Variants in ANKRD13B observed in about 807,000 individuals in gnomAD.
The protein encoded by ANKRD13B is ankyrin repeat domain-containing protein 13B.
Under a neutral mutation model 74.4 loss-of-function variants are expected in ANKRD13B, and 33 were observed. That is an observed-to-expected ratio of 0.44 (90% CI 0.34 to 0.59). ANKRD13B has a LOEUF of 0.59. Ranked by LOEUF, ANKRD13B falls within the 20% of genes least tolerant of loss-of-function variation. The pLI is 0.02. For synonymous variants in ANKRD13B, 341 were observed against 362.9 expected (o/e 0.94, Z 0.68); for missense variants, 676 against 877.9 (o/e 0.77, Z 2.91).
Position 29,609,378 on chromosome 17 carries a change from G to C in ANKRD13B, c.779G>C (p.Trp260Ser). The C allele has an allele frequency of 6.2e-7, 1 of 1,613,520 alleles. No homozygotes were observed. The change falls in exon 7 of 15, where the codon TGG becomes TCG. Residue 260 changes from tryptophan (W) to serine (S), a missense_variant. Physicochemically the swap from Trp to Ser is radical, Grantham distance 177. This residue lies in a region of ANKRD13B where 328 missense variants were observed against 518.4 expected (regional missense o/e 0.63). Coordinates refer to ENST00000394859, the MANE Select transcript of ANKRD13B (RefSeq NM_152345.5). This position sits in a 1 kb window ranked among gnomAD's most constrained non-coding sequence, Gnocchi z 4.0. ...FERNKTGILG[W>S]RSEKTEMVNG... ...AGGAACAAGACTGGCATCCTGGGCT[G>C]GCGCAGTGAAAAGACGGAGATGGTG...
chr17:29,594,589 C>T (rs138484452), intron 1 of ANKRD13B, among the ~76,000 whole-genome samples: 3 of 152,298 alleles, frequency 2.0e-5, no homozygotes, highest in African/African-American at 4.8e-5. Context: ...TCACAGATTG[C>T]CACTTCTGCC....
Position 29,612,703 on chromosome 17 carries a change from G to A in ANKRD13B, c.1463G>A (p.Gly488Asp), listed in dbSNP as rs1187280230. The change falls in exon 13 of 15, where the codon GGC becomes GAC. Residue 488 changes from glycine to aspartate, a missense_variant. Around this residue, in one of 4 missense-constraint regions of ANKRD13B, gnomAD observed 152 missense variants for 181.4 expected, o/e 0.84. Transcript: ENST00000394859. This position sits in a 1 kb window ranked among gnomAD's most constrained non-coding sequence, Gnocchi z 6.1. ...CCAGCGTTGTTCGAGGCCCCGCGCG[G>A]CTACAGCATGATGGGCGGCCAGCGG... is the stretch of plus-strand genomic sequence containing the variant. ...ISPALFEAPR[G>D]YSMMGGQREA... The A allele has an allele frequency of 1.9e-6, 3 of 1,597,240 alleles. No individual in the cohort carries two copies. The highest frequency in any genetic ancestry group is 4.5e-5 in the East Asian group (2 of 44,666).
In ANKRD13B at chr17:29,609,040, G is replaced by T. The variant is rs1567792669; in HGVS notation, c.565+46G>T. On this transcript the variant is annotated intron_variant, in intron 5 of 14. Coordinates refer to ENST00000394859, the MANE Select transcript of ANKRD13B (RefSeq NM_152345.5). This position sits in a 1 kb window ranked among gnomAD's most constrained non-coding sequence, Gnocchi z 4.0. ...GGCAGGGTGGGGACGATGGGAGGCA[G>T]CCCCAGGCCACCCCTGATCCCCCTG... is the stretch of plus-strand genomic sequence containing the variant. The T allele has an allele frequency of 5.0e-6, 8 of 1,612,880 alleles. No homozygotes were observed. The South Asian group carries it at 7.7e-5, about 15-fold the overall frequency.
In ANKRD13B at chr17:29,613,603, G is replaced by A; in HGVS notation, c.*21G>A. 7.1e-7 allele frequency: 1 copy of A among 1,401,854 alleles called. No homozygotes were observed. Among genetic ancestry groups the A allele is most frequent in the Non-Finnish European group, 9.3e-7 (1 of 1,076,884 alleles). The allele number at this position is 1,401,854 out of a possible 1,614,324, so 86.8% of individuals were successfully genotyped here. A position where few individuals can be genotyped will look rare whatever the true frequency, so the allele number is the denominator to read the frequency against. On this transcript the variant is annotated 3_prime_UTR_variant, in exon 15 of 15. Transcript: ENST00000394859. ...AGTAGCGCCCCCTGCCGGGACCCTCGCCAGCGCCACGCGCGCCACGCCCAG... is the reference window on the plus strand; with the variant it reads ...AGTAGCGCCCCCTGCCGGGACCCTCACCAGCGCCACGCGCGCCACGCCCAG...
At chr17:29,595,502 CT>C (rs1307784156) in intron 1 of ANKRD13B, among the ~76,000 whole-genome samples, 2 of 152,278 alleles carry the variant, frequency 1.3e-5, no homozygotes, top group East Asian at 3.9e-4. Context: ...GGAGAAAAGA[CT>C]TCTCCAGCAG....
intron 1 of ANKRD13B, among the ~76,000 whole-genome samples, chr17:29,607,069 A>G (rs1598610483): frequency 6.6e-6 from 1 of 152,086 alleles, no homozygotes; most frequent in Admixed American, 6.6e-5. Flanking sequence ...AACACAAAAA[A>G]AAACCCCAAA....
At position 29,612,472 on chromosome 17, in the gene ANKRD13B, G is replaced by T. The variant is rs762441170; in HGVS notation, c.1329G>T (p.Val443=). 3.1e-6 allele frequency: 5 copies of T among 1,599,628 alleles called. No homozygotes were observed. The Admixed American group carries it at 8.6e-5, about 28-fold the overall frequency. Residue 443 remains valine (V), a synonymous_variant, in exon 12 of 15, where the codon GTG becomes GTT. Transcript: ENST00000394859. This position sits in a 1 kb window ranked among gnomAD's most constrained non-coding sequence, Gnocchi z 6.1. ...ACCTCAACGGCTGCGACGAACCGGT[G>T]CCATCGGTGCGAGGCAGCCCCAGCA... is the stretch of plus-strand genomic sequence containing the variant. ...FGNLNGCDEP[V]PSVRGSPSSE...
intron 1 of ANKRD13B, among the ~76,000 whole-genome samples, chr17:29,600,662 C>T (rs2034138070): frequency 6.6e-6 from 1 of 152,128 alleles, no homozygotes; most frequent in African/African-American, 2.4e-5. Flanking sequence ...CCTCCCTGCA[C>T]TCAGCTCTAG....
intron 1 of ANKRD13B, among the ~76,000 whole-genome samples, chr17:29,606,673 T>C (rs957857878): frequency 2.2e-5 from 3 of 135,224 alleles, no homozygotes; most frequent in Non-Finnish European, 4.6e-5. Flanking sequence ...GGAGGATTGC[T>C]CAAGCCTAGG....
At position 29,608,356 on chromosome 17, in the gene ANKRD13B, C is replaced by T; in HGVS notation, c.421+116C>T. ...CGGCGGTTCCCTCTATGCCTTAGCT[C>T]AGCTCAGGGCCACCGCCTCAGCTAG... On this transcript the variant is annotated intron_variant, in intron 4 of 14. Coordinates refer to ENST00000394859, the MANE Select transcript of ANKRD13B (RefSeq NM_152345.5). This position sits in a 1 kb window ranked among gnomAD's most constrained non-coding sequence, Gnocchi z 6.4. 1 of 1,343,594 alleles carries T rather than the reference C, an allele frequency of 7.4e-7. No individual in the cohort carries two copies. The highest frequency in any genetic ancestry group is 1.0e-6 in the Non-Finnish European group (1 of 972,146). The allele number at this position is 1,343,594 out of a possible 1,614,324, so 83.2% of individuals were successfully genotyped here.
chr17:29,609,491 G>T lies in ANKRD13B; in HGVS notation c.822+70G>T. ...TACAGCAAGCTGTACAGGGGATTCTGACCTCCCTTCCCCAGCCCTGGAGGT... is the reference window on the plus strand; with the variant it reads ...TACAGCAAGCTGTACAGGGGATTCTTACCTCCCTTCCCCAGCCCTGGAGGT... On this transcript the variant is annotated intron_variant, in intron 7 of 14. Transcript: ENST00000394859. This position sits in a 1 kb window ranked among gnomAD's most constrained non-coding sequence, Gnocchi z 4.0. The T allele has an allele frequency of 6.4e-7, 1 of 1,566,544 alleles. No individual in the cohort carries two copies. Among genetic ancestry groups the T allele is most frequent in the South Asian group, 1.1e-5 (1 of 87,870 alleles).
chr17:29,602,519 T>G (rs777819034), intron 1 of ANKRD13B, among the ~76,000 whole-genome samples: 1 of 152,168 alleles, frequency 6.6e-6, no homozygotes, highest in Non-Finnish European at 1.5e-5. Flanking sequence ...CTCTTTCAGA[T>G]TCTGGTGACT....
At position 29,608,919 on chromosome 17, in the gene ANKRD13B, G is replaced by A; in HGVS notation, c.490G>A (p.Val164Ile). 1 of 1,614,066 alleles carries A rather than the reference G, an allele frequency of 6.2e-7. No individual in the cohort carries two copies. The highest frequency in any genetic ancestry group is 8.5e-7 in the Non-Finnish European group (1 of 1,180,010). ...GTGGAAGAGCGGCCAGAACCTGAGG[G>A]TAGACACCACACTCCTGGGCTTTGA... The part of the protein sequence containing the change: ...KVWKSGQNLR[V>I]DTTLLGFDHM... Residue 164 changes from valine to isoleucine, a missense_variant, in exon 5 of 15, where the codon GTA becomes ATA. Physicochemically the swap from Val to Ile is conservative, Grantham distance 29 (BLOSUM62 3). Around this residue, in one of 4 missense-constraint regions of ANKRD13B, gnomAD observed 328 missense variants for 518.4 expected, o/e 0.63. Coordinates refer to ENST00000394859, the MANE Select transcript of ANKRD13B (RefSeq NM_152345.5). The surrounding 1 kb of genome is among the most constrained non-coding windows in gnomAD (Gnocchi z 6.4).
At chr17:29,613,204 G>A in intron 14 of ANKRD13B, 150 bp from the exon 15 acceptor site, 2 of 1,316,136 alleles carry the variant, frequency 1.5e-6, no homozygotes, top group Non-Finnish European at 1.0e-6. Flanking sequence ...GCTCCGCCAC[G>A]ACCAGGTGGG....
At chr17:29,604,689 C>T (rs1044210668) in intron 1 of ANKRD13B, among the ~76,000 whole-genome samples, 4 of 151,384 alleles carry the variant, frequency 2.6e-5, no homozygotes, top group African/African-American at 9.7e-5. Flanking sequence ...TTACAGGCAC[C>T]CATCACCAAG....
intron 1 of ANKRD13B, among the ~76,000 whole-genome samples, chr17:29,605,871 G>T (rs1012052888): frequency 6.6e-6 from 1 of 151,922 alleles, no homozygotes; most frequent in African/African-American, 2.4e-5. Flanking sequence ...TTTTAATCAA[G>T]TTCAGAGAAG....
In ANKRD13B at chr17:29,593,503, C is replaced by A; in HGVS notation, c.-119C>A. 3.6e-6 allele frequency: 1 copy of A among 281,498 alleles called. No individual in the cohort carries two copies. The highest frequency in any genetic ancestry group is 5.3e-6 in the Non-Finnish European group (1 of 189,312). 17.4% of individuals were successfully genotyped at this position (281,498 alleles called of 1,614,324 possible). ...CCGCCCGCCGCCGCTCGCACATGCC[C>A]GAGCCGCAGCCCCGCGAGCAGGCAG... On this transcript the variant is annotated 5_prime_UTR_variant, in exon 1 of 15. Coordinates refer to ENST00000394859, the MANE Select transcript of ANKRD13B (RefSeq NM_152345.5).
In ANKRD13B at chr17:29,607,748, A is replaced by G. The variant is rs1222034203; in HGVS notation, c.121A>G (p.Ile41Val). Residue 41 changes from isoleucine to valine, a missense_variant, in exon 2 of 15, where the codon ATC (isoleucine) becomes GTC (valine). Ile to Val is a conservative substitution (Grantham distance 29, BLOSUM62 3). Transcript: ENST00000394859. ...EKEVRAGQVD[I>V]EQLDPRGRTP... ...ACTCCTCCTCCTCCTCCAGGTGGAC[A>G]TCGAGCAGCTGGATCCCCGCGGCCG... 6.3e-6 allele frequency: 10 copies of G among 1,598,316 alleles called. No individual in the cohort carries two copies. The highest frequency in any genetic ancestry group is 2.2e-4 in the Middle Eastern group (1 of 4,524).
At position 29,609,289 on chromosome 17, in the gene ANKRD13B, G is replaced by T; in HGVS notation, c.755+14G>T. 1 of 1,613,066 alleles carries T rather than the reference G, an allele frequency of 6.2e-7. No individual in the cohort carries two copies. The highest frequency in any genetic ancestry group is 8.5e-7 in the Non-Finnish European group (1 of 1,179,672). ...CTCCTTTGAGAGGTGGGTGGACATG[G>T]CCTTGGTCACCCTTGAGCCAGCCCG... On this transcript the variant is annotated intron_variant, in intron 6 of 14. Transcript: ENST00000394859. The surrounding 1 kb of genome is among the most constrained non-coding windows in gnomAD (Gnocchi z 4.0).
Sources: allele counts gnomAD v4.1 joint callset (sites outside exome capture counted in the v4.1 genomes callset), GRCh38; gene constraint gnomAD v4.1.1; regional missense constraint gnomAD v4.1.1; non-coding constraint Gnocchi (gnomAD v3.1); transcripts MANE v1.5; gene names NCBI Gene and HGNC (gene_info 2026-07-23, HGNC 2026-07-21).